The following LYPLAL1 variants were observed in gnomAD, a reference collection of about 807,000 sequenced individuals.
LYPLAL1 encodes lysophospholipase-like protein 1.
LYPLAL1 carries 23 observed loss-of-function variants against 19.7 expected under a neutral mutation model. The ratio of observed to expected loss-of-function variants is 1.17; its 90% CI spans 0.84 to 1.65. LYPLAL1 has a LOEUF of 1.65. Ranked by LOEUF, LYPLAL1 falls within the 40% of genes most tolerant of loss-of-function variation. The pLI is 0.00. For synonymous variants in LYPLAL1, 119 were observed against 96.3 expected (o/e 1.24, Z -1.38); for missense variants, 355 against 279.4 (o/e 1.27, Z -1.93).
the LYPLAL1 span, among the ~76,000 whole-genome samples, chr1:219,254,266 TATTCCCTTTGCATTC>T: frequency 6.6e-6 from 1 of 152,062 alleles, no homozygotes; most frequent in Non-Finnish European, 1.5e-5. Context: ...TTGGGGCATT[TATTCCCTTTGCATTC>T]AAGGTTTAGT....
chr1:219,337,995 G>A, the LYPLAL1 span, among the ~76,000 whole-genome samples: 1 of 151,890 alleles, frequency 6.6e-6, no homozygotes, highest in African/African-American at 2.4e-5. Flanking sequence ...GTAGTTATTT[G>A]GCCTCTAAGA....
At chr1:219,353,809 T>C in the LYPLAL1 span, among the ~76,000 whole-genome samples, 3 of 151,960 alleles carry the variant, frequency 2.0e-5, no homozygotes, top group Non-Finnish European at 4.4e-5. Context: ...CTTTACCCAA[T>C]AGAAATACAT....
At chr1:219,186,065 G>A (rs1656698241) in intron 2 of LYPLAL1, among the ~76,000 whole-genome samples, 1 of 151,690 alleles carries the variant, frequency 6.6e-6, no homozygotes, top group African/African-American at 2.4e-5. Flanking sequence ...ATAACCCCAT[G>A]GGACCTAAAT....
the LYPLAL1 span, among the ~76,000 whole-genome samples, chr1:219,419,540 C>G: frequency 1.4e-5 from 2 of 142,458 alleles, no homozygotes. Flanking sequence ...GTTTCTGAGC[C>G]CTAGCCCAAC....
the LYPLAL1 span, among the ~76,000 whole-genome samples, chr1:219,375,905 C>T: frequency 6.6e-6 from 1 of 152,132 alleles, no homozygotes; most frequent in South Asian, 2.1e-4. Flanking sequence ...CCACGCCCAG[C>T]TAACTTTTTG....
chr1:219,360,817 C>A, the LYPLAL1 span, among the ~76,000 whole-genome samples: 838 of 152,266 alleles, frequency 5.5e-3, 9 homozygotes, highest in Non-Finnish European at 9.3e-3. Context: ...GGAGAGAACT[C>A]TTGTGGAAAA....
At chr1:219,264,114 C>T in the LYPLAL1 span, among the ~76,000 whole-genome samples, 1 of 152,180 alleles carries the variant, frequency 6.6e-6, no homozygotes, top group South Asian at 2.1e-4. Flanking sequence ...AAAATCACTG[C>T]TATACCTATC....
chr1:219,373,883 A>C, the LYPLAL1 span, among the ~76,000 whole-genome samples: 747 of 2,752 alleles, frequency 0.27, 8 homozygotes, highest in African/African-American at 0.34. Context: ...AAAAAAAAAC[A>C]AAAAAAAAAA....
chr1:219,289,235 C>T, the LYPLAL1 span, among the ~76,000 whole-genome samples: 1,151 of 152,098 alleles, frequency 7.6e-3, 4 homozygotes, highest in South Asian at 0.023. Flanking sequence ...TGCTTAATGC[C>T]GAAACCTGAT....
At chr1:219,427,943 A>G in the LYPLAL1 span, among the ~76,000 whole-genome samples, 51 of 152,286 alleles carry the variant, frequency 3.3e-4, no homozygotes, top group African/African-American at 1.1e-3. Flanking sequence ...AGTGACCATG[A>G]TGGGTCTGCC....
the LYPLAL1 span, among the ~76,000 whole-genome samples, chr1:219,385,101 C>T: frequency 6.6e-6 from 1 of 152,042 alleles, no homozygotes; most frequent in Non-Finnish European, 1.5e-5. Flanking sequence ...GTAAATATGC[C>T]CTCCAGAGAT....
At chr1:219,270,781 ATGT>A in the LYPLAL1 span, 5 of 151,904 alleles carry the variant, frequency 3.3e-5, no homozygotes, top group Non-Finnish European at 5.9e-5. Flanking sequence ...GCTTTTTTTG[ATGT>A]TGTTGTTAAA....
chr1:219,319,335 G>A, the LYPLAL1 span, among the ~76,000 whole-genome samples: 2 of 152,120 alleles, frequency 1.3e-5, no homozygotes, highest in Non-Finnish European at 2.9e-5. Flanking sequence ...GTGGTGCCTG[G>A]GGAAGCTTCC....
chr1:219,184,049 C>A (rs2125040249), intron 2 of LYPLAL1, among the ~76,000 whole-genome samples: 1 of 151,916 alleles, frequency 6.6e-6, no homozygotes, highest in Non-Finnish European at 1.5e-5. Flanking sequence ...ATGTTACTTG[C>A]ATTTACGTGT....
Position 219,212,017 on chromosome 1 carries a change from C to A in LYPLAL1, c.*289C>A. Reference sequence around the variant, plus strand: ...TATTCTAAACTAATATAAATAAGGACAATGAAAAAACATGAAAGGACTTAG... The same window carrying A: ...TATTCTAAACTAATATAAATAAGGAAAATGAAAAAACATGAAAGGACTTAG... On this transcript the variant is annotated 3_prime_UTR_variant, in exon 5 of 5. Coordinates refer to ENST00000366928, the MANE Select transcript of LYPLAL1 (RefSeq NM_138794.5). The A allele has an allele frequency of 4.8e-6, 1 of 208,760 alleles. No individual in the cohort carries two copies. Among genetic ancestry groups the A allele is most frequent in the Non-Finnish European group, 9.5e-6 (1 of 105,402 alleles). 12.9% of individuals were successfully genotyped at this position (208,760 alleles called of 1,614,324 possible).
chr1:219,242,222 G>A, the LYPLAL1 span, among the ~76,000 whole-genome samples: 1 of 152,182 alleles, frequency 6.6e-6, no homozygotes, highest in Non-Finnish European at 1.5e-5. Context: ...CTGACTGGAA[G>A]CAAATAGATC....
the LYPLAL1 span, among the ~76,000 whole-genome samples, chr1:219,227,891 C>T: frequency 6.6e-6 from 1 of 152,112 alleles, no homozygotes. Context: ...CTGACTTAAG[C>T]AATAAAGATA....
the LYPLAL1 span, among the ~76,000 whole-genome samples, chr1:219,425,820 G>A: frequency 0.028 from 4,186 of 152,062 alleles, 177 homozygotes; most frequent in African/African-American, 0.095. Context: ...ATGTCATTAC[G>A]CTTGAGCTAT....
At chr1:219,274,200 C>A in the LYPLAL1 span, among the ~76,000 whole-genome samples, 5 of 152,150 alleles carry the variant, frequency 3.3e-5, no homozygotes, top group Non-Finnish European at 5.9e-5. Flanking sequence ...TGGAGTCAAT[C>A]GTTTCCGGCA....
Sources: gnomAD v4.1 joint callset for allele counts (sites outside exome capture counted in the v4.1 genomes callset) on GRCh38, gnomAD v4.1.1 for gene constraint, MANE v1.5 for transcripts, NCBI Gene and HGNC (gene_info 2026-07-23, HGNC 2026-07-21) for gene names.